The following LRP1B variants were observed in gnomAD, a reference collection of about 807,000 sequenced individuals.
LRP1B encodes the protein LDL receptor related protein 1B, also known as low-density lipoprotein receptor-related protein 1B.
In LRP1B, 217 loss-of-function variants were observed where a neutral mutation model predicts 556.6. The observed-to-expected ratio is 0.39, with a 90% CI of 0.35 to 0.44. LRP1B has a LOEUF of 0.44. LRP1B is among the 20% of genes least tolerant of loss of function. LRP1B has a pLI of 1.00. For missense variants in LRP1B, 5,053 were observed against 5,620.8 expected, an observed-to-expected ratio of 0.90 and a Z score of 3.23; for synonymous variants, 2,047 against 1,865.8, an observed-to-expected ratio of 1.10 and a Z score of -2.50.
chr2:142,063,593 T>C, intron 1 of LRP1B, among the ~76,000 whole-genome samples: 1 of 151,724 alleles, frequency 6.6e-6, no homozygotes, highest in East Asian at 1.9e-4. Flanking sequence ...CAAATTATTA[T>C]GAACTAAAAT....
chr2:140,982,370 G>C, intron 17 of LRP1B, 94 bp from the exon 18 acceptor site: 1 of 730,980 alleles, frequency 1.4e-6, no homozygotes, highest in Non-Finnish European at 2.3e-6. Context: ...TCATACATAA[G>C]ATAGTATGTT....
intron 79 of LRP1B, among the ~76,000 whole-genome samples, chr2:140,329,078 C>T (rs1680654002): frequency 6.6e-6 from 1 of 152,032 alleles, no homozygotes; most frequent in South Asian, 2.1e-4. Context: ...AGTTTGAAAT[C>T]AAACTCATGT....
At chr2:140,522,547 C>A (rs1184880196) in intron 49 of LRP1B, among the ~76,000 whole-genome samples, 1 of 151,514 alleles carries the variant, frequency 6.6e-6, no homozygotes, top group African/African-American at 2.4e-5. Context: ...CCAGAGTCAA[C>A]AGAAGAAAAA....
intron 1 of LRP1B, among the ~76,000 whole-genome samples, chr2:142,012,387 T>G (rs915469937): frequency 6.6e-6 from 1 of 152,140 alleles, no homozygotes; most frequent in African/African-American, 2.4e-5. Context: ...GCTTAGAAAT[T>G]TATTCTTCAC....
At position 141,631,516 on chromosome 2, in the gene LRP1B, A is replaced by T. The variant is rs76737763; in HGVS notation, c.206-150983T>A. ...GCTAGGTTCCATGTAATCAAAATGA[A>T]CTTTAAAATGAACCAGTTTTCCAAA... On this transcript the variant is annotated intron_variant, in intron 2 of 90. Coordinates refer to ENST00000389484, the MANE Select transcript of LRP1B (RefSeq NM_018557.3). Among the ~76,000 whole-genome samples the T allele has an allele frequency of 4.2e-4, 63 of 150,050 alleles. 1 individual carries two copies. In the East Asian group the frequency reaches 0.012, roughly 29 times the overall value.
At chr2:140,672,753 C>T (rs1368932374) in intron 41 of LRP1B, among the ~76,000 whole-genome samples, 1 of 152,116 alleles carries the variant, frequency 6.6e-6, no homozygotes, top group Non-Finnish European at 1.5e-5. Flanking sequence ...ACAGTCCAAA[C>T]TGGCAATGTT....
chr2:141,464,268 C>T (rs1427809629), intron 3 of LRP1B, among the ~76,000 whole-genome samples: 1 of 152,128 alleles, frequency 6.6e-6, no homozygotes, highest in African/African-American at 2.4e-5. Context: ...TTGGTACAAT[C>T]TCTAACATTT....
chr2:142,116,105 T>C (rs1451523605), intron 1 of LRP1B, among the ~76,000 whole-genome samples: 2 of 137,844 alleles, frequency 1.5e-5, no homozygotes, highest in Non-Finnish European at 3.0e-5. Flanking sequence ...TAGTCCCAGC[T>C]ACTCAAGAGC....
chr2:140,828,106 A>G lies in LRP1B; in HGVS notation c.5209+11885T>C, dbSNP rs943906059. ...TCGCAATCACTAGATCCATCCTACA[A>G]AAAAAAACTCTAAAGGGAATTCTTC... On this transcript the variant is annotated intron_variant, in intron 31 of 90. Coordinates refer to ENST00000389484, the MANE Select transcript of LRP1B (RefSeq NM_018557.3). 2.6e-5 allele frequency among the ~76,000 whole-genome samples: 4 copies of G among 152,086 alleles called. 1 individual carries two copies. Among genetic ancestry groups the G allele is most frequent in the African/African-American group, 7.2e-5 (3 of 41,540 alleles).
At chr2:141,544,492 T>A (rs1298853921) in intron 2 of LRP1B, among the ~76,000 whole-genome samples, 16 of 150,036 alleles carry the variant, frequency 1.1e-4, no homozygotes, top group Admixed American at 6.7e-5. Flanking sequence ...TGTTGTGCAA[T>A]CAGGTCTTGA....
chr2:141,565,472 C>G (rs13006974), intron 2 of LRP1B, among the ~76,000 whole-genome samples: 12,158 of 152,216 alleles, frequency 0.08, 588 homozygotes, highest in South Asian at 0.16. Context: ...GTCTGCAATA[C>G]CTTTTTTCTT....
chr2:141,132,029 T>A (rs561478675), intron 7 of LRP1B, among the ~76,000 whole-genome samples: 1 of 152,174 alleles, frequency 6.6e-6, no homozygotes, highest in Non-Finnish European at 1.5e-5. Context: ...ATTGGATCAT[T>A]CTCATGCCTT....
chr2:141,680,926 C>G (rs1429848809), intron 2 of LRP1B, among the ~76,000 whole-genome samples: 1 of 152,084 alleles, frequency 6.6e-6, no homozygotes, highest in African/African-American at 2.4e-5. Flanking sequence ...CTGAGCCTAA[C>G]TGTAAGAAAA....
chr2:140,718,119 G>A (rs1179935182), intron 35 of LRP1B, among the ~76,000 whole-genome samples: 2 of 151,968 alleles, frequency 1.3e-5, no homozygotes, highest in East Asian at 1.9e-4. Flanking sequence ...AGACTTATAC[G>A]TCCAACTGTC....
chr2:140,321,900 C>A, intron 82 of LRP1B, 63 bp downstream of exon 82: 1 of 1,479,808 alleles, frequency 6.8e-7, no homozygotes, highest in Non-Finnish European at 9.3e-7. Context: ...CTCCATTTCA[C>A]GAGGTGTGAA....
At position 140,721,941 on chromosome 2, in the gene LRP1B, A is replaced by G. The variant is rs539836935; in HGVS notation, c.5759-5125T>C. Among the ~76,000 whole-genome samples, 3 of 152,158 alleles carry G rather than the reference A, an allele frequency of 2.0e-5. No individual in the cohort carries two copies. The East Asian group carries it at 5.8e-4, about 29-fold the overall frequency. On this transcript the variant is annotated intron_variant, in intron 35 of 90. Coordinates refer to ENST00000389484, the MANE Select transcript of LRP1B (RefSeq NM_018557.3). ...TGTACAGTTTGATGAACTTTTACAT[A>G]TGGAACACAACCATGTAACCACTAC... is the stretch of plus-strand genomic sequence containing the variant.
chr2:141,786,384 T>C (rs2105650910), intron 2 of LRP1B, among the ~76,000 whole-genome samples: 1 of 152,036 alleles, frequency 6.6e-6, no homozygotes, highest in South Asian at 2.1e-4. Flanking sequence ...ACCAGATATA[T>C]TCTGTACTTG....
chr2:140,448,161 A>G (rs1339803783), intron 63 of LRP1B, among the ~76,000 whole-genome samples: 2 of 152,164 alleles, frequency 1.3e-5, no homozygotes, highest in Non-Finnish European at 2.9e-5. Flanking sequence ...ACCAATAGAC[A>G]AGATTGATGC....
intron 3 of LRP1B, among the ~76,000 whole-genome samples, chr2:141,473,398 C>T (rs928235038): frequency 2.0e-5 from 3 of 152,054 alleles, no homozygotes; most frequent in African/African-American, 7.2e-5. Flanking sequence ...GATGAAACAC[C>T]TATAGAAGTT....
Sources: gnomAD v4.1 joint callset for allele counts (sites outside exome capture counted in the v4.1 genomes callset) on GRCh38, gnomAD v4.1.1 for gene constraint, MANE v1.5 for transcripts, NCBI Gene and HGNC (gene_info 2026-07-23, HGNC 2026-07-21) for gene names.